Variants in ADGRG4 observed in about 807,000 individuals in gnomAD.
The protein encoded by ADGRG4 is G protein-coupled receptor 112.
In ADGRG4, 122 loss-of-function variants were observed where a neutral mutation model predicts 126.2. The ratio of observed to expected loss-of-function variants is 0.97; its 90% CI spans 0.83 to 1.12. The LOEUF (loss-of-function observed/expected upper bound fraction) is 1.12. Among genes scored for constraint, ADGRG4 ranks in the 50% most tolerant of loss-of-function variants. The probability of loss-of-function intolerance (pLI) is 0.00; values close to 1 mark genes in which losing one functional copy is unlikely to be tolerated. For missense variants in ADGRG4, 2,481 were observed against 2,251.8 expected (o/e 1.10, Z -2.06); for synonymous variants, 943 against 838.7 (o/e 1.12, Z -2.15).
chrX:136,365,108 G>GT (rs2075150839), intron 13 of ADGRG4, among the ~76,000 whole-genome samples: 1 of 112,047 alleles, frequency 8.9e-6, no homozygotes, highest in Non-Finnish European at 1.9e-5. Flanking sequence ...ATATCTCAAT[G>GT]TAGTTTACAA....
intron 4 of ADGRG4, among the ~76,000 whole-genome samples, chrX:136,312,365 G>A (rs754692994): frequency 1.3e-4 from 15 of 112,229 alleles, no homozygotes; most frequent in African/African-American, 4.8e-4. Context: ...GGTGGCTCAT[G>A]CCTGTAATCC....
chrX:136,371,664 T>TA, intron 14 of ADGRG4, 120 bp downstream of exon 14: 1 of 434,554 alleles, frequency 2.3e-6, no homozygotes, highest in South Asian at 5.8e-5. Context: ...AAAATATCCT[T>TA]AAAAAAATCT....
chrX:136,308,785 A>T lies in ADGRG4; in HGVS notation c.8A>T (p.Glu3Val). 1 of 1,158,036 alleles carries T rather than the reference A, an allele frequency of 8.6e-7. No individual in the cohort carries two copies. The part of the protein sequence containing the change: MK[E>V]HIIYQKLYGL... The stretch of plus-strand genomic sequence containing the variant: ...TAAACACAGACTTAGACAATGAAAG[A>T]ACACATCATATATCAGAAGCTTTAT... Residue 3 changes from glutamate (E) to valine (V), a missense_variant, in exon 4 of 26, where the codon GAA becomes GTA. By Grantham distance (121) the Glu-to-Val change is moderately radical (BLOSUM62 -2). Coordinates refer to ENST00000394143, the MANE Select transcript of ADGRG4 (RefSeq NM_153834.4).
intron 15 of ADGRG4, among the ~76,000 whole-genome samples, chrX:136,383,201 A>G (rs1443127966): frequency 8.9e-6 from 1 of 112,102 alleles, no homozygotes; most frequent in East Asian, 2.8e-4. Context: ...TGTTCCAATC[A>G]TCTTTGTTCT....
At chrX:136,401,315 A>G (rs2075378093) in intron 21 of ADGRG4, among the ~76,000 whole-genome samples, 1 of 111,927 alleles carries the variant, frequency 8.9e-6, no homozygotes, top group Non-Finnish European at 1.9e-5. Flanking sequence ...CAAAAAGCAG[A>G]TAACCCACAC....
intron 12 of ADGRG4, among the ~76,000 whole-genome samples, chrX:136,362,805 AT>A (rs2075136476): frequency 2.7e-5 from 3 of 111,456 alleles, no homozygotes; most frequent in Non-Finnish European, 5.7e-5. Flanking sequence ...AGTTTGATAG[AT>A]TCAGTTTTGT....
At chrX:136,327,464 A>AAATAATAATAATAATAAT (rs201257685) in intron 5 of ADGRG4, among the ~76,000 whole-genome samples, 3,201 of 97,477 alleles carry the variant, frequency 0.033, 45 homozygotes, top group East Asian at 0.06. Flanking sequence ...GTGGGAAATA[A>AAATAATAATAATAATAAT]AATAATAATA....
Position 136,349,924 on chromosome X carries a change from C to T in ADGRG4, c.6218C>T (p.Pro2073Leu), listed in dbSNP as rs779139125. ...TMSTILTRTI[P>L]TPTLGGITTG... is the part of the protein sequence containing the mutation. The stretch of plus-strand genomic sequence containing the variant: ...AGCACCATACTCACCCGAACCATTC[C>T]TACACCTACACTGGGTGGTATCACT... Residue 2073 changes from proline to leucine, a missense_variant, in exon 6 of 26, where the codon CCT becomes CTT. By Grantham distance (98) the Pro-to-Leu change is moderately conservative (BLOSUM62 -3). Transcript: ENST00000394143. The T allele has an allele frequency of 6.6e-6, 8 of 1,210,916 alleles. No individual in the cohort carries two copies. The South Asian group carries it at 1.4e-4, about 21-fold the overall frequency.
At chrX:136,321,711 A>G (rs2074840565) in intron 4 of ADGRG4, among the ~76,000 whole-genome samples, 1 of 111,992 alleles carries the variant, frequency 8.9e-6, no homozygotes, top group African/African-American at 3.2e-5. Context: ...ATCATCACTC[A>G]TCTGCAGCTT....
chrX:136,360,785 A>G (rs1018410317), intron 11 of ADGRG4, among the ~76,000 whole-genome samples: 2 of 110,727 alleles, frequency 1.8e-5, no homozygotes, highest in African/African-American at 6.6e-5. Flanking sequence ...TATACTGATC[A>G]TGTCAGATAC....
At chrX:136,341,819 A>C (rs1340026158) in intron 5 of ADGRG4, among the ~76,000 whole-genome samples, 1 of 111,881 alleles carries the variant, frequency 8.9e-6, no homozygotes, top group African/African-American at 3.2e-5. Flanking sequence ...ACACACCTCA[A>C]AATTTCTGGA....
chrX:136,356,938 G>A (rs1291023963), intron 9 of ADGRG4, among the ~76,000 whole-genome samples: 4 of 111,832 alleles, frequency 3.6e-5, no homozygotes, highest in African/African-American at 1.3e-4. Context: ...AGATTTCAAG[G>A]CTGCACTACA....
chrX:136,403,313 C>T lies in ADGRG4; in HGVS notation c.8645C>T (p.Thr2882Ile). 3 of 1,198,220 alleles carry T rather than the reference C, an allele frequency of 2.5e-6. No individual in the cohort carries two copies. The highest frequency in any genetic ancestry group is 3.4e-6 in the Non-Finnish European group (3 of 883,246). Residue 2882 changes from threonine (T) to isoleucine (I), a missense_variant, in exon 22 of 26, where the codon ACA (threonine) becomes ATA (isoleucine). Coordinates refer to ENST00000394143, the MANE Select transcript of ADGRG4 (RefSeq NM_153834.4). ...KKDLYGTLSP[T>I]TPFCWIKDDS... is the part of the protein sequence containing the mutation. The stretch of plus-strand genomic sequence containing the variant: ...GATCTGTATGGAACTCTGAGCCCAA[C>T]AACTCCGTTGTAAGTACCAGCATCT...
chrX:136,375,344 A>G (rs772394357), intron 15 of ADGRG4, among the ~76,000 whole-genome samples: 2 of 111,917 alleles, frequency 1.8e-5, no homozygotes, highest in African/African-American at 3.2e-5. Context: ...TGCTTTAAAC[A>G]TGTGTGTGCA....
Position 136,362,033 on chromosome X carries a change from C to CA in ADGRG4, c.7277+450dup, listed in dbSNP as rs1569328275. ...ACATTTATTATCTTAATGTTCATTT[C>CA]AAAATAACGACCTTGGAAACCATCT... On this transcript the variant is annotated intron_variant, in intron 12 of 25. Coordinates refer to ENST00000394143, the MANE Select transcript of ADGRG4 (RefSeq NM_153834.4). 7.2e-5 allele frequency among the ~76,000 whole-genome samples: 8 copies of CA among 111,805 alleles called. No individual in the cohort carries two copies. The South Asian group carries it at 1.5e-3, about 21-fold the overall frequency.
intron 8 of ADGRG4, among the ~76,000 whole-genome samples, chrX:136,355,708 C>T (rs1008889201): frequency 8.9e-6 from 1 of 112,105 alleles, no homozygotes; most frequent in Non-Finnish European, 1.9e-5. Flanking sequence ...TCTTTTCATG[C>T]TTTGTAATAC....
At chrX:136,400,348 A>T (rs1437010696) in intron 21 of ADGRG4, among the ~76,000 whole-genome samples, 1 of 111,917 alleles carries the variant, frequency 8.9e-6, no homozygotes, top group Non-Finnish European at 1.9e-5. Context: ...TATTGTGCTA[A>T]GTGCTGGCTC....
intron 18 of ADGRG4, among the ~76,000 whole-genome samples, chrX:136,394,951 G>T (rs927414875): frequency 2.7e-5 from 3 of 111,831 alleles, no homozygotes; most frequent in Non-Finnish European, 5.6e-5. Flanking sequence ...ATCTGACTTT[G>T]ATTGAAAGCA....
chrX:136,414,108 G>A, intron 24 of ADGRG4, 52 bp from the exon 25 acceptor site: 2 of 985,348 alleles, frequency 2.0e-6, no homozygotes, highest in Admixed American at 2.8e-5. Context: ...ACTACTTTAA[G>A]TATAGAATTT....
Sources: gnomAD v4.1 joint callset for allele counts (sites outside exome capture counted in the v4.1 genomes callset) on GRCh38, gnomAD v4.1.1 for gene constraint, MANE v1.5 for transcripts, NCBI Gene and HGNC (gene_info 2026-07-23, HGNC 2026-07-21) for gene names.